TENM3: variants seen among roughly 807,000 people sequenced by gnomAD.
TENM3 encodes teneurin-3.
TENM3 carries 63 observed loss-of-function variants against 255.1 expected under a neutral mutation model. The ratio of observed to expected loss-of-function variants is 0.25; its 90% CI spans 0.20 to 0.30. The LOEUF (loss-of-function observed/expected upper bound fraction) is 0.30, where lower values mean the gene tolerates loss of function less well. Among genes scored for constraint, TENM3 ranks in the 10% least tolerant of loss-of-function variants. TENM3 has a pLI of 1.00. For synonymous variants in TENM3, 1,306 were observed against 1,322.3 expected, an observed-to-expected ratio of 0.99 and a Z score of 0.27; for missense variants, 2,929 against 3,461.1, an observed-to-expected ratio of 0.85 and a Z score of 3.86.
the TENM3 span, among the ~76,000 whole-genome samples, chr4:181,668,350 A>C: frequency 6.6e-6 from 1 of 152,164 alleles, no homozygotes; most frequent in Admixed American, 6.5e-5. Flanking sequence ...TTCCTGTATT[A>C]GTTTACTACA....
chr4:182,445,602 G>T (rs182357006), intron 3 of TENM3, among the ~76,000 whole-genome samples: 2 of 150,242 alleles, frequency 1.3e-5, no homozygotes, highest in Admixed American at 1.4e-4. Flanking sequence ...GCTCATTTGT[G>T]GACTTTTTAT....
chr4:181,611,558 T>G, the TENM3 span, among the ~76,000 whole-genome samples: 1 of 152,144 alleles, frequency 6.6e-6, no homozygotes, highest in African/African-American at 2.4e-5. Flanking sequence ...TGACTCGTCT[T>G]GTATTACACG....
At chr4:182,798,551 T>C (rs536244269) in intron 27 of TENM3, among the ~76,000 whole-genome samples, 2 of 152,338 alleles carry the variant, frequency 1.3e-5, no homozygotes, top group South Asian at 4.1e-4. Context: ...AATGCCTCCC[T>C]GCGGTTAAGC....
chr4:182,740,828 T>A (rs1415911889), intron 18 of TENM3, among the ~76,000 whole-genome samples: 1 of 152,154 alleles, frequency 6.6e-6, no homozygotes, highest in Non-Finnish European at 1.5e-5. Flanking sequence ...CCAGGGCAGA[T>A]GTAAAAACCG....
In TENM3 at chr4:182,796,714, T is replaced by G. The variant is rs372106267; in HGVS notation, c.7291T>G (p.Leu2431Val). ...IPGFPVPKFDLTEPSYELVKS... is the reference protein window; with the variant it reads ...IPGFPVPKFDVTEPSYELVKS... ...TGGATTCCCTGTTCCCAAATTTGAT[T>G]TAACAGAACCTTCTTACGAACTTGT... Residue 2431 changes from leucine to valine, a missense_variant, in exon 27 of 28, where the codon TTA becomes GTA. Leu to Val is a conservative substitution (Grantham distance 32). This residue lies in a region of TENM3 where 476 missense variants were observed against 480.1 expected (regional missense o/e 0.99). Transcript: ENST00000511685. The G allele has an allele frequency of 4.5e-5, 73 of 1,612,642 alleles. No homozygotes were observed. Among genetic ancestry groups the G allele is most frequent in the Non-Finnish European group, 5.5e-5 (65 of 1,179,268 alleles).
intron 3 of TENM3, among the ~76,000 whole-genome samples, chr4:182,476,737 A>T (rs1349959659): frequency 3.9e-5 from 6 of 152,182 alleles, no homozygotes. Context: ...GATAAAGTAC[A>T]TGGTCTTGAA....
chr4:181,807,392 C>T, the TENM3 span, among the ~76,000 whole-genome samples: 1 of 152,114 alleles, frequency 6.6e-6, no homozygotes, highest in South Asian at 2.1e-4. Context: ...TCACTCTTGT[C>T]GCCCAGGCTG....
At chr4:182,762,360 T>G (rs1733083977) in intron 22 of TENM3, among the ~76,000 whole-genome samples, 2 of 152,220 alleles carry the variant, frequency 1.3e-5, no homozygotes, top group African/African-American at 4.8e-5. Flanking sequence ...CTCATATCTG[T>G]GTGCATCATC....
At chr4:182,733,434 A>G (rs1760927484) in intron 16 of TENM3, among the ~76,000 whole-genome samples, 1 of 143,226 alleles carries the variant, frequency 7.0e-6, no homozygotes, top group African/African-American at 2.5e-5. Flanking sequence ...ATATTGGGCA[A>G]GGGTGGAAAC....
chr4:181,848,616 A>T, the TENM3 span, among the ~76,000 whole-genome samples: 1 of 152,308 alleles, frequency 6.6e-6, no homozygotes, highest in African/African-American at 2.4e-5. Context: ...CCCCAACATC[A>T]AAACGAATAC....
At chr4:182,256,930 C>T (rs1758442423) in intron 1 of TENM3, among the ~76,000 whole-genome samples, 2 of 151,700 alleles carry the variant, frequency 1.3e-5, no homozygotes, top group South Asian at 4.1e-4. Context: ...AAAAACGGTA[C>T]CCGGAGTGCC....
chr4:181,964,984 A>G, the TENM3 span, among the ~76,000 whole-genome samples: 2 of 152,194 alleles, frequency 1.3e-5, no homozygotes, highest in African/African-American at 4.8e-5. Context: ...CGCCAGTGAA[A>G]CAGGAACAAT....
the TENM3 span, among the ~76,000 whole-genome samples, chr4:182,047,907 G>A: frequency 6.6e-6 from 1 of 152,154 alleles, no homozygotes; most frequent in East Asian, 1.9e-4. Context: ...TTGTGAACCT[G>A]ACTATATAAG....
intron 3 of TENM3, among the ~76,000 whole-genome samples, chr4:182,596,614 A>G (rs1257778241): frequency 6.6e-6 from 1 of 152,204 alleles, no homozygotes; most frequent in African/African-American, 2.4e-5. Flanking sequence ...CTAAGTAGAA[A>G]GGTGTAAGGC....
chr4:182,017,875 C>G, the TENM3 span, among the ~76,000 whole-genome samples: 3 of 152,156 alleles, frequency 2.0e-5, no homozygotes, highest in Non-Finnish European at 4.4e-5. Context: ...ACTAAAGTCA[C>G]TTTATAATTT....
At chr4:182,400,933 G>A (rs1175283909) in intron 3 of TENM3, among the ~76,000 whole-genome samples, 1 of 152,212 alleles carries the variant, frequency 6.6e-6, no homozygotes, top group African/African-American at 2.4e-5. Flanking sequence ...GGCATTGCCA[G>A]CTTCAAGATT....
At chr4:182,053,575 G>A in the TENM3 span, among the ~76,000 whole-genome samples, 4 of 152,166 alleles carry the variant, frequency 2.6e-5, no homozygotes, top group Admixed American at 2.6e-4. Context: ...CAGGGTGGCA[G>A]CTCTGTAGGA....
intron 6 of TENM3, among the ~76,000 whole-genome samples, chr4:182,658,224 C>G (rs1753918260): frequency 6.6e-6 from 1 of 152,202 alleles, no homozygotes; most frequent in Admixed American, 6.5e-5. Flanking sequence ...TTGCAATAGT[C>G]TTTCCTTAGC....
the TENM3 span, among the ~76,000 whole-genome samples, chr4:181,449,104 T>TA: frequency 2.6e-5 from 4 of 152,222 alleles, no homozygotes; most frequent in African/African-American, 9.6e-5. Context: ...AGGTATTACA[T>TA]ATAGCTAGAA....
Sources: gnomAD v4.1 joint callset for allele counts (sites outside exome capture counted in the v4.1 genomes callset) on GRCh38, gnomAD v4.1.1 for gene constraint, gnomAD v4.1.1 regional missense constraint, MANE v1.5 for transcripts, NCBI Gene and HGNC (gene_info 2026-07-23, HGNC 2026-07-21) for gene names.